The following DLGAP1 variants were observed in gnomAD, a reference collection of about 807,000 sequenced individuals.
The protein encoded by DLGAP1 is DLG associated protein 1.
In DLGAP1, 11 loss-of-function variants were observed where a neutral mutation model predicts 90.8. The observed-to-expected ratio is 0.12, with a 90% CI of 0.08 to 0.20. The LOEUF is 0.20. DLGAP1 is among the 10% of genes least tolerant of loss of function. The pLI, the probability that DLGAP1 is intolerant of heterozygous loss-of-function variation, is 1.00. For synonymous variants in DLGAP1, 558 were observed against 540.7 expected (o/e 1.03, Z -0.44); for missense variants, 1,050 against 1,333.8 (o/e 0.79, Z 3.31).
In DLGAP1 at chr18:4,091,238, GAAATA is replaced by G. The variant is rs200965280; in HGVS notation, c.-159+59937_-159+59941del. Reference sequence around the variant, plus strand: ...CTGCATGTTCTGCACATGTATCCCAGAAATAAAATGAAATGAAATAAAATAAAATA... The same window carrying G: ...CTGCATGTTCTGCACATGTATCCCAGAAATGAAATGAAATAAAATAAAATA... On this transcript the variant is annotated intron_variant, in intron 2 of 12. Transcript: ENST00000315677. Among the ~76,000 whole-genome samples the G allele has an allele frequency of 8.1e-4, 123 of 152,200 alleles. 1 individual carries two copies. The East Asian group carries it at 0.019, about 24-fold the overall frequency.
intron 7 of DLGAP1, among the ~76,000 whole-genome samples, chr18:3,619,792 C>T (rs528329474): frequency 4.3e-5 from 5 of 116,308 alleles, no homozygotes; most frequent in Admixed American, 1.0e-4. Flanking sequence ...GGATATTTGC[C>T]GGAGTTGGTT....
At chr18:3,511,231 G>A (rs948522615) in intron 10 of DLGAP1, among the ~76,000 whole-genome samples, 6 of 152,114 alleles carry the variant, frequency 3.9e-5, no homozygotes, top group African/African-American at 7.2e-5. Context: ...TTTCTTTTCC[G>A]GAGAACTAAA....
intron 1 of DLGAP1, among the ~76,000 whole-genome samples, chr18:4,243,206 T>C (rs1215266815): frequency 1.4e-5 from 1 of 71,476 alleles, no homozygotes; most frequent in Non-Finnish European, 4.2e-5. Context: ...TCCCCATCTG[T>C]AAAATCAATG....
At chr18:3,724,055 T>C (rs1434805617) in intron 7 of DLGAP1, among the ~76,000 whole-genome samples, 1 of 152,156 alleles carries the variant, frequency 6.6e-6, no homozygotes, top group Admixed American at 6.5e-5. Context: ...TGGGGCATAG[T>C]GGCTCACACC....
At chr18:4,306,426 A>AGTGTGT (rs60225266) in intron 1 of DLGAP1, among the ~76,000 whole-genome samples, 5 of 130,442 alleles carry the variant, frequency 3.8e-5, no homozygotes, top group African/African-American at 9.6e-5. Context: ...AGAAAGTAAG[A>AGTGTGT]GTGTGTGTGT....
chr18:4,164,593 T>C (rs1008947731), intron 1 of DLGAP1, among the ~76,000 whole-genome samples: 1 of 152,030 alleles, frequency 6.6e-6, no homozygotes, highest in Non-Finnish European at 1.5e-5. Context: ...GGCAGGAGAA[T>C]TGCTTGAACC....
chr18:3,635,214 T>A lies in DLGAP1; in HGVS notation c.1592-52966A>T, dbSNP rs2058661816. ...GGCGGGATCTCGGCTCACTGCAAGCTCCGCCTCCCGGGTTCACGCCATTCT... is the reference window on the plus strand; with the variant it reads ...GGCGGGATCTCGGCTCACTGCAAGCACCGCCTCCCGGGTTCACGCCATTCT... On this transcript the variant is annotated intron_variant, in intron 7 of 12. Transcript: ENST00000315677. Among the ~76,000 whole-genome samples, 3 of 150,980 alleles carry A rather than the reference T, an allele frequency of 2.0e-5. No individual in the cohort carries two copies. The Admixed American group carries it at 2.0e-4, about 10-fold the overall frequency.
chr18:3,550,103 G>A (rs899733414), intron 9 of DLGAP1, among the ~76,000 whole-genome samples: 7 of 149,940 alleles, frequency 4.7e-5, no homozygotes, highest in South Asian at 4.2e-4. Flanking sequence ...TAGTAGAGAC[G>A]GGGTTTCACC....
intron 7 of DLGAP1, among the ~76,000 whole-genome samples, chr18:3,685,704 C>T (rs79029421): frequency 0.12 from 17,784 of 151,976 alleles, 1,226 homozygotes; most frequent in Non-Finnish European, 0.15. Context: ...TGCATTGGCT[C>T]CCCAAAGTGC....
At chr18:3,957,756 T>G (rs911090738) in intron 3 of DLGAP1, among the ~76,000 whole-genome samples, 4 of 152,232 alleles carry the variant, frequency 2.6e-5, no homozygotes, top group Non-Finnish European at 5.9e-5. Flanking sequence ...TGATAGAAAT[T>G]GAAGGAATTT....
At chr18:3,913,084 C>T (rs2072070045) in intron 3 of DLGAP1, among the ~76,000 whole-genome samples, 1 of 152,022 alleles carries the variant, frequency 6.6e-6, no homozygotes, top group Non-Finnish European at 1.5e-5. Flanking sequence ...CCTTAGGATT[C>T]CTTAGTGGGA....
At chr18:3,979,739 C>T (rs1568332119) in intron 3 of DLGAP1, among the ~76,000 whole-genome samples, 1 of 152,152 alleles carries the variant, frequency 6.6e-6, no homozygotes, top group Non-Finnish European at 1.5e-5. Context: ...TGGGAGATGA[C>T]AGGTATGTTA....
rs1429636513 is a variant in DLGAP1, at chr18:3,622,427, A to G, written c.1592-40179T>C. ...TCCTAAGCTGATTATTTCATGATTCATGCTTGGCTTGGGATCTGGGAATGA... is the reference window on the plus strand; with the variant it reads ...TCCTAAGCTGATTATTTCATGATTCGTGCTTGGCTTGGGATCTGGGAATGA... On this transcript the variant is annotated intron_variant, in intron 7 of 12. Transcript: ENST00000315677. Among the ~76,000 whole-genome samples, 3 of 152,258 alleles carry G rather than the reference A, an allele frequency of 2.0e-5. No homozygotes were observed. The East Asian group carries it at 5.8e-4, about 29-fold the overall frequency.
At chr18:3,837,880 A>AAAAAAAAAC (rs1297670010) in intron 4 of DLGAP1, among the ~76,000 whole-genome samples, 1 of 142,832 alleles carries the variant, frequency 7.0e-6, no homozygotes. Flanking sequence ...AAAAAAAAAA[A>AAAAAAAAAC]AGTCAGGGAC....
intron 2 of DLGAP1, among the ~76,000 whole-genome samples, chr18:4,059,908 T>G (rs1157799374): frequency 6.6e-6 from 1 of 152,126 alleles, no homozygotes; most frequent in Admixed American, 6.5e-5. Flanking sequence ...ACTGGCTGCT[T>G]TAGAAGTTGT....
intron 9 of DLGAP1, among the ~76,000 whole-genome samples, chr18:3,546,855 T>C (rs2144716528): frequency 6.6e-6 from 1 of 151,466 alleles, no homozygotes; most frequent in South Asian, 2.1e-4. Context: ...ATAAAGGAAA[T>C]TATAAGATAA....
In DLGAP1 at chr18:4,112,278, A is replaced by T. The variant is rs192861672; in HGVS notation, c.-159+38902T>A. On this transcript the variant is annotated intron_variant, in intron 2 of 12. Coordinates refer to ENST00000315677, the MANE Select transcript of DLGAP1 (RefSeq NM_004746.4). Reference sequence around the variant, plus strand: ...CTAATTTAATTCTGTTGTGGTAAGAAAAAATAATTTTTTATTATTTTAATT... The same window carrying T: ...CTAATTTAATTCTGTTGTGGTAAGATAAAATAATTTTTTATTATTTTAATT... 1.2e-3 allele frequency among the ~76,000 whole-genome samples: 189 copies of T among 152,264 alleles called. 1 individual carries two copies. Among genetic ancestry groups the T allele is most frequent in the Admixed American group, 3.8e-3 (58 of 15,290 alleles).
At chr18:4,132,566 C>T (rs1303417033) in intron 2 of DLGAP1, among the ~76,000 whole-genome samples, 4 of 152,110 alleles carry the variant, frequency 2.6e-5, no homozygotes, top group Non-Finnish European at 4.4e-5. Flanking sequence ...GTTGACAACC[C>T]TATTTCCACC....
rs537788859 is a variant in DLGAP1, at chr18:3,783,274, T to C, written c.1172+30785A>G. 1.8e-3 allele frequency among the ~76,000 whole-genome samples: 275 copies of C among 152,340 alleles called. 1 individual carries two copies. The highest frequency in any genetic ancestry group is 3.0e-3 in the Non-Finnish European group (202 of 68,028). ...CAGAAGGTTATAAATGAAGTTAGTATATGAACCAGCAATTCTGCTCCTAGC... is the reference window on the plus strand; with the variant it reads ...CAGAAGGTTATAAATGAAGTTAGTACATGAACCAGCAATTCTGCTCCTAGC... On this transcript the variant is annotated intron_variant, in intron 5 of 12. Coordinates refer to ENST00000315677, the MANE Select transcript of DLGAP1 (RefSeq NM_004746.4).
Sources: allele counts gnomAD v4.1 joint callset (sites outside exome capture counted in the v4.1 genomes callset), GRCh38; gene constraint gnomAD v4.1.1; transcripts MANE v1.5; gene names NCBI Gene and HGNC (gene_info 2026-07-23, HGNC 2026-07-21).